ZNF292: variants seen among roughly 807,000 people sequenced by gnomAD.
The protein encoded by ZNF292 is zinc finger protein 292, also known as 16 zinc-finger domain protein.
In ZNF292, 26 loss-of-function variants were observed where a neutral mutation model predicts 217.9. The ratio of observed to expected loss-of-function variants is 0.12; its 90% CI spans 0.09 to 0.17. The LOEUF is 0.17. Among genes scored for constraint, ZNF292 ranks in the 10% least tolerant of loss-of-function variants. The pLI is 1.00. For synonymous variants in ZNF292, 1,257 were observed against 1,124.1 expected (o/e 1.12, Z -2.37); for missense variants, 2,904 against 3,175.2 (o/e 0.91, Z 2.05).
chr6:87,228,599 G>GT (rs1773488147), intron 4 of ZNF292, among the ~76,000 whole-genome samples: 1 of 152,182 alleles, frequency 6.6e-6, no homozygotes, highest in Non-Finnish European at 1.5e-5. Context: ...TTGAGTTAAT[G>GT]TTTGTATATG....
chr6:87,258,965 G>A lies in ZNF292; in HGVS notation c.5336G>A (p.Gly1779Asp), dbSNP rs761707324. The A allele has an allele frequency of 6.2e-7, 1 of 1,613,144 alleles. No individual in the cohort carries two copies. The highest frequency in any genetic ancestry group is 1.3e-5 in the African/African-American group (1 of 74,992). ...QILEVKSGSQ[G>D]AGETSQNAQI... Reference sequence around the variant, plus strand: ...CTTGAGGTAAAAAGTGGATCTCAGGGTGCTGGTGAAACTTCACAAAATGCT... The same window carrying A: ...CTTGAGGTAAAAAGTGGATCTCAGGATGCTGGTGAAACTTCACAAAATGCT... Residue 1779 changes from glycine (G) to aspartate (D), a missense_variant, in exon 8 of 8, where the codon GGT becomes GAT. Gly to Asp is a moderately conservative substitution (Grantham distance 94). Transcript: ENST00000369577.
chr6:87,238,390 G>C (rs1374070772), intron 5 of ZNF292, among the ~76,000 whole-genome samples: 1 of 151,698 alleles, frequency 6.6e-6, no homozygotes, highest in Admixed American at 6.6e-5. Flanking sequence ...GGAGGCTGAG[G>C]CATGAGAATC....
chr6:87,231,491 A>G (rs1289170930), intron 4 of ZNF292, among the ~76,000 whole-genome samples: 2 of 152,278 alleles, frequency 1.3e-5, no homozygotes, highest in African/African-American at 4.8e-5. Flanking sequence ...AGACAAAATG[A>G]TCTATAAATT....
chr6:87,237,712 A>G (rs1773970523), intron 5 of ZNF292, among the ~76,000 whole-genome samples: 1 of 152,248 alleles, frequency 6.6e-6, no homozygotes, highest in African/African-American at 2.4e-5. Flanking sequence ...TGCTTTACAA[A>G]GGGACTTTAT....
chr6:87,239,527 CG>C (rs1774118461), intron 5 of ZNF292, among the ~76,000 whole-genome samples: 2 of 70,482 alleles, frequency 2.8e-5, no homozygotes, highest in Non-Finnish European at 3.1e-5. Context: ...GCTGGCCGGG[CG>C]GGGGCTGCCC....
chr6:87,204,911 A>AT (rs1053394375), intron 1 of ZNF292, among the ~76,000 whole-genome samples: 4 of 151,868 alleles, frequency 2.6e-5, no homozygotes, highest in African/African-American at 9.7e-5. Context: ...TTGGCCTGTG[A>AT]TTTTTTTCCT....
At chr6:87,239,998 G>A (rs1167287687) in intron 5 of ZNF292, among the ~76,000 whole-genome samples, 3 of 152,136 alleles carry the variant, frequency 2.0e-5, no homozygotes, top group Non-Finnish European at 4.4e-5. Flanking sequence ...GGCCAAGGCA[G>A]GCGGCTGGGA....
At chr6:87,226,631 A>ATATATATC (rs1320711229) in intron 4 of ZNF292, among the ~76,000 whole-genome samples, 6 of 130,944 alleles carry the variant, frequency 4.6e-5, no homozygotes, top group Non-Finnish European at 7.8e-5. Context: ...TAGTGTGTGT[A>ATATATATC]TATATATCTA....
At position 87,177,663 on chromosome 6, in the gene ZNF292, T is replaced by G. The variant is rs973333518; in HGVS notation, c.168+21904T>G. Among the ~76,000 whole-genome samples, 48 of 152,206 alleles carry G rather than the reference T, an allele frequency of 3.2e-4. 3 individuals are homozygous for G. The highest frequency in any genetic ancestry group is 5.9e-5 in the Non-Finnish European group (4 of 68,024). On this transcript the variant is annotated intron_variant, in intron 1 of 7. Transcript: ENST00000369577. ...TAAAAGACTATGTGATGTTGAAGAA[T>G]TCAAATTCTGGGTTGGACACCATGA...
intron 5 of ZNF292, among the ~76,000 whole-genome samples, chr6:87,238,813 G>T (rs1468583344): frequency 6.6e-6 from 1 of 151,482 alleles, no homozygotes; most frequent in African/African-American, 2.4e-5. Context: ...GTTTTCCTAG[G>T]CAGAGGACCC....
chr6:87,185,944 C>T (rs1457946955), intron 1 of ZNF292, among the ~76,000 whole-genome samples: 2 of 152,166 alleles, frequency 1.3e-5, no homozygotes, highest in Non-Finnish European at 2.9e-5. Context: ...CATGCACGTT[C>T]GGCTCTCCAG....
chr6:87,169,321 G>A (rs781573352), intron 1 of ZNF292, among the ~76,000 whole-genome samples: 3 of 152,006 alleles, frequency 2.0e-5, no homozygotes, highest in Non-Finnish European at 4.4e-5. Context: ...GATTACAGGT[G>A]TGAGCCACTG....
At chr6:87,241,211 G>A (rs1253789969) in intron 5 of ZNF292, among the ~76,000 whole-genome samples, 1 of 152,110 alleles carries the variant, frequency 6.6e-6, no homozygotes, top group Non-Finnish European at 1.5e-5. Context: ...TTGAACCTGG[G>A]AGGCGGAGGT....
intron 1 of ZNF292, among the ~76,000 whole-genome samples, chr6:87,165,561 T>C (rs1452750635): frequency 6.6e-6 from 1 of 152,168 alleles, no homozygotes; most frequent in Non-Finnish European, 1.5e-5. Flanking sequence ...AAAATGTTGC[T>C]CTTGATTTTA....
rs756900409 is a variant in ZNF292 at position 87,257,629 on chromosome 6, A to G, written c.4000A>G (p.Asn1334Asp). The part of the protein sequence containing the change: ...VNVANNFSST[N>D]AQQSAPEKVK... ...TGTTGCAAATAACTTCAGTAGCACC[A>G]ATGCCCAACAGTCTGCACCTGAAAA... is the stretch of plus-strand genomic sequence containing the variant. The change falls in exon 8 of 8, where the codon AAT (asparagine) becomes GAT (aspartate). Residue 1334 changes from asparagine to aspartate, a missense_variant. Transcript: ENST00000369577. 1 of 1,608,610 alleles carries G rather than the reference A, an allele frequency of 6.2e-7. No individual in the cohort carries two copies. Among genetic ancestry groups the G allele is most frequent in the Non-Finnish European group, 8.5e-7 (1 of 1,177,174 alleles).
At chr6:87,190,567 G>T (rs1771794612) in intron 1 of ZNF292, among the ~76,000 whole-genome samples, 2 of 151,972 alleles carry the variant, frequency 1.3e-5, no homozygotes, top group South Asian at 2.1e-4. Flanking sequence ...TCTGCCTCCC[G>T]GGTTCAAGTG....
chr6:87,216,420 G>T, intron 3 of ZNF292, 43 bp downstream of exon 3: 3 of 1,412,216 alleles, frequency 2.1e-6, no homozygotes, highest in Non-Finnish European at 1.9e-6. Flanking sequence ...TATATCTTAT[G>T]TCAGTTTTCC....
chr6:87,227,517 A>G (rs1773416983), intron 4 of ZNF292, among the ~76,000 whole-genome samples: 1 of 152,204 alleles, frequency 6.6e-6, no homozygotes, highest in Non-Finnish European at 1.5e-5. Flanking sequence ...ATACATTCAC[A>G]TTGTTGTAAA....
At chr6:87,206,042 G>T (rs1381291459) in intron 1 of ZNF292, among the ~76,000 whole-genome samples, 1 of 152,128 alleles carries the variant, frequency 6.6e-6, no homozygotes, top group Non-Finnish European at 1.5e-5. Flanking sequence ...ACCTGATACA[G>T]GTTGGACTCA....
Sources: allele counts gnomAD v4.1 joint callset (sites outside exome capture counted in the v4.1 genomes callset), GRCh38; gene constraint gnomAD v4.1.1; transcripts MANE v1.5; gene names NCBI Gene and HGNC (gene_info 2026-07-23, HGNC 2026-07-21).